GPC5: variants seen among roughly 807,000 people sequenced by gnomAD.
GPC5 encodes glypican 5, also known as glypican-5.
Under a neutral mutation model 53.9 loss-of-function variants are expected in GPC5, and 47 were observed. The ratio of observed to expected loss-of-function variants is 0.87; its 90% confidence interval spans 0.69 to 1.11. The LOEUF is 1.11. Among genes scored for constraint, GPC5 ranks in the 50% most tolerant of loss-of-function variants. GPC5 has a pLI of 0.00. For missense variants in GPC5, 748 were observed against 713.1 expected, an observed-to-expected ratio of 1.05 and a Z score of -0.56; for synonymous variants, 286 against 263.3, an observed-to-expected ratio of 1.09 and a Z score of -0.84.
intron 7 of GPC5, among the ~76,000 whole-genome samples, chr13:92,685,454 T>C (rs1246327278): frequency 6.6e-6 from 1 of 152,010 alleles, no homozygotes; most frequent in Non-Finnish European, 1.5e-5. Context: ...TTTCCACATA[T>C]ATTTGTAATA....
At chr13:92,212,872 A>G (rs2042385071) in intron 7 of GPC5, among the ~76,000 whole-genome samples, 1 of 152,144 alleles carries the variant, frequency 6.6e-6, no homozygotes, top group African/African-American at 2.4e-5. Flanking sequence ...TGGTGCCTTC[A>G]CTGGACCAAT....
chr13:92,816,019 T>G (rs543361618), intron 7 of GPC5, among the ~76,000 whole-genome samples: 1 of 152,052 alleles, frequency 6.6e-6, no homozygotes, highest in South Asian at 2.1e-4. Flanking sequence ...ATCAGAGCTA[T>G]AAATATAATT....
At chr13:92,622,371 C>A (rs1469640133) in intron 7 of GPC5, among the ~76,000 whole-genome samples, 1 of 152,126 alleles carries the variant, frequency 6.6e-6, no homozygotes, top group Non-Finnish European at 1.5e-5. Context: ...AGATGCTGCA[C>A]GCTCCATTTT....
chr13:92,483,057 C>T (rs538413523), intron 7 of GPC5, among the ~76,000 whole-genome samples: 1 of 152,126 alleles, frequency 6.6e-6, no homozygotes, highest in Non-Finnish European at 1.5e-5. Flanking sequence ...ATAAAACCAT[C>T]AGATTGAGAC....
chr13:92,579,120 A>G (rs1161239777), intron 7 of GPC5, among the ~76,000 whole-genome samples: 3 of 152,172 alleles, frequency 2.0e-5, no homozygotes, highest in Non-Finnish European at 4.4e-5. Context: ...TATCAAATCT[A>G]TTTTAAATAC....
intron 2 of GPC5, among the ~76,000 whole-genome samples, chr13:91,637,630 G>A (rs955052276): frequency 3.9e-5 from 6 of 152,100 alleles, no homozygotes; most frequent in African/African-American, 1.2e-4. Context: ...AAAAGAGCTG[G>A]GAAACCCTGA....
At chr13:92,598,349 C>A (rs184172533) in intron 7 of GPC5, among the ~76,000 whole-genome samples, 116 of 152,040 alleles carry the variant, frequency 7.6e-4, no homozygotes, top group Admixed American at 3.9e-3. Context: ...TTTTAATTTT[C>A]TCTCACTAAT....
At chr13:92,346,840 C>T (rs9523635) in intron 7 of GPC5, among the ~76,000 whole-genome samples, 14,892 of 151,762 alleles carry the variant, frequency 0.098, 807 homozygotes, top group Middle Eastern at 0.15. Context: ...AGCTTTACAA[C>T]AAAATAGAAA....
At chr13:91,899,438 T>A (rs1382717699) in intron 5 of GPC5, among the ~76,000 whole-genome samples, 2 of 152,148 alleles carry the variant, frequency 1.3e-5, no homozygotes, top group East Asian at 3.9e-4. Flanking sequence ...AGTAATAAAA[T>A]GTTTCTCATG....
At chr13:91,988,443 A>G (rs1377830698) in intron 6 of GPC5, among the ~76,000 whole-genome samples, 1 of 152,168 alleles carries the variant, frequency 6.6e-6, no homozygotes, top group East Asian at 1.9e-4. Flanking sequence ...CTTTTCAGAA[A>G]GGCCTTCAGA....
chr13:91,488,157 T>C (rs1180241395), intron 2 of GPC5, among the ~76,000 whole-genome samples: 1 of 152,168 alleles, frequency 6.6e-6, no homozygotes, highest in Non-Finnish European at 1.5e-5. Flanking sequence ...TTATGGCATA[T>C]ATGGTCATGA....
intron 2 of GPC5, among the ~76,000 whole-genome samples, chr13:91,655,124 T>G (rs1397863372): frequency 1.3e-5 from 2 of 152,166 alleles, no homozygotes; most frequent in Non-Finnish European, 2.9e-5. Context: ...TGACAATTTT[T>G]ACATATAGAT....
chr13:92,237,061 C>A (rs903588331), intron 7 of GPC5, among the ~76,000 whole-genome samples: 2 of 152,070 alleles, frequency 1.3e-5, no homozygotes, highest in Non-Finnish European at 2.9e-5. Flanking sequence ...ACAACTAATG[C>A]CCTGAGGTAT....
intron 7 of GPC5, among the ~76,000 whole-genome samples, chr13:92,842,699 C>T (rs1878471887): frequency 6.8e-6 from 1 of 148,068 alleles, no homozygotes. Context: ...TTAAGGTTTA[C>T]TGTGAATTAG....
chr13:92,622,456 G>A (rs1884905655), intron 7 of GPC5, among the ~76,000 whole-genome samples: 1 of 152,148 alleles, frequency 6.6e-6, no homozygotes, highest in Non-Finnish European at 1.5e-5. Context: ...CTCTGAGTGT[G>A]TTATCTGTTC....
intron 6 of GPC5, among the ~76,000 whole-genome samples, chr13:91,990,608 A>G (rs2040448076): frequency 6.6e-6 from 1 of 152,142 alleles, no homozygotes. Context: ...ATATTTTTGT[A>G]TCTTATTTTA....
chr13:92,834,752 G>C (rs1159505422), intron 7 of GPC5, among the ~76,000 whole-genome samples: 1 of 151,974 alleles, frequency 6.6e-6, no homozygotes, highest in Non-Finnish European at 1.5e-5. Flanking sequence ...AGAGATAATT[G>C]GTATCTAATG....
At chr13:92,575,254 A>C (rs12876272) in intron 7 of GPC5, among the ~76,000 whole-genome samples, 2,104 of 152,338 alleles carry the variant, frequency 0.014, 25 homozygotes, top group Non-Finnish European at 0.025. Flanking sequence ...GATGTAATTA[A>C]GTTAATAAGC....
intron 2 of GPC5, among the ~76,000 whole-genome samples, chr13:91,506,913 C>T (rs1884975269): frequency 6.6e-6 from 1 of 151,654 alleles, no homozygotes; most frequent in Non-Finnish European, 1.5e-5. Flanking sequence ...CAAAACATGC[C>T]AATGCTGAGA....
Sources: gnomAD v4.1 joint callset for allele counts (sites outside exome capture counted in the v4.1 genomes callset) on GRCh38, gnomAD v4.1.1 for gene constraint, MANE v1.5 for transcripts, NCBI Gene and HGNC (gene_info 2026-07-23, HGNC 2026-07-21) for gene names.